USP47: variants seen among roughly 807,000 people sequenced by gnomAD.
USP47 encodes ubiquitin carboxyl-terminal hydrolase 47.
USP47 carries 35 observed loss-of-function variants against 165.1 expected under a neutral mutation model. The observed-to-expected ratio is 0.21, with a 90% confidence interval of 0.16 to 0.28. The LOEUF (loss-of-function observed/expected upper bound fraction) is 0.28. Ranked by LOEUF, USP47 falls within the 10% of genes least tolerant of loss-of-function variation. The pLI, the probability that USP47 is intolerant of heterozygous loss-of-function variation, is 1.00. For synonymous variants in USP47, 531 were observed against 544.5 expected (o/e 0.98, Z 0.35); for missense variants, 1,277 against 1,607.4 (o/e 0.79, Z 3.52).
At position 11,955,120 on chromosome 11, in the gene USP47, C is replaced by T; in HGVS notation, c.3849C>T (p.Val1283=). 6.2e-7 allele frequency: 1 copy of T among 1,613,854 alleles called. No individual in the cohort carries two copies. ...DWNPKVSTLN[V]WPLYICDDGA... ...ATCCTAAAGTTTCTACCCTGAATGT[C>T]TGGCCTCTTTATATCTGTGATGATG... Residue 1283 remains valine (V), a synonymous_variant, in exon 27 of 28, where the codon GTC becomes GTT. Transcript: ENST00000527733.
At chr11:11,885,787 T>G (rs981170774) in intron 3 of USP47, among the ~76,000 whole-genome samples, 17 of 152,212 alleles carry the variant, frequency 1.1e-4, no homozygotes, top group African/African-American at 3.9e-4. Flanking sequence ...ACCCACTGGC[T>G]TGGAATTGGC....
At chr11:11,855,902 G>C (rs1444140857) in intron 1 of USP47, among the ~76,000 whole-genome samples, 1 of 152,182 alleles carries the variant, frequency 6.6e-6, no homozygotes, top group Non-Finnish European at 1.5e-5. Context: ...ACTAATGGAA[G>C]AGACAAACAG....
In USP47 at chr11:11,841,990, AGCGGCG is replaced by A; in HGVS notation, c.-182_-177del. Reference sequence around the variant, plus strand: ...GGCCGACGACGAAGGCGGCTGTGGTAGCGGCGGCGGCGGCGGCGGAGCCCTGGGTCG... The same window carrying A: ...GGCCGACGACGAAGGCGGCTGTGGTAGCGGCGGCGGCGGAGCCCTGGGTCG... On this transcript the variant is annotated 5_prime_UTR_variant, in exon 1 of 28. Transcript: ENST00000527733. 3 of 531,304 alleles carry A rather than the reference AGCGGCG, an allele frequency of 5.6e-6. No individual in the cohort carries two copies. Among genetic ancestry groups the A allele is most frequent in the Non-Finnish European group, 9.7e-6 (3 of 309,238 alleles). The allele number at this position is 531,304 out of a possible 1,614,324, so 32.9% of individuals were successfully genotyped here.
chr11:11,917,316 C>T (rs1287688110), intron 8 of USP47, among the ~76,000 whole-genome samples: 1 of 152,056 alleles, frequency 6.6e-6, no homozygotes, highest in Non-Finnish European at 1.5e-5. Flanking sequence ...TTTGAATATT[C>T]AGGAACTCAT....
intron 1 of USP47, among the ~76,000 whole-genome samples, chr11:11,859,779 A>G (rs971468996): frequency 3.9e-5 from 6 of 152,122 alleles, no homozygotes; most frequent in Non-Finnish European, 7.4e-5. Flanking sequence ...TTCATAGAGC[A>G]TTTTCAAGAA....
At chr11:11,948,596 T>C in intron 22 of USP47, 38 bp downstream of exon 22, 1 of 1,497,576 alleles carries the variant, frequency 6.7e-7, no homozygotes, top group Middle Eastern at 2.1e-4. Flanking sequence ...AGGTTACTTT[T>C]TACAGTTACT....
chr11:11,949,436 C>T (rs565703204), intron 22 of USP47, among the ~76,000 whole-genome samples: 52 of 152,194 alleles, frequency 3.4e-4, no homozygotes, highest in African/African-American at 1.2e-3. Context: ...TGTTATTTCT[C>T]TTAATGTGAC....
intron 8 of USP47, among the ~76,000 whole-genome samples, chr11:11,909,885 C>G (rs897040171): frequency 6.6e-6 from 1 of 152,122 alleles, no homozygotes; most frequent in African/African-American, 2.4e-5. Context: ...CAACTATTTA[C>G]ACAAGTTTAT....
rs1300802562 is a variant in USP47 at position 11,892,380 on chromosome 11, C to CTTTTTTTTTTTTT, written c.496+281_496+293dup. The stretch of plus-strand genomic sequence containing the variant: ...AGACTTTTCTTTTCTTTTTAATTTT[C>CTTTTTTTTTTTTT]TTTTTTTTTTTTTTTTTTTGAGACA... On this transcript the variant is annotated intron_variant, in intron 4 of 27. Coordinates refer to ENST00000527733, the MANE Select transcript of USP47 (RefSeq NM_001282659.2). 5.4e-4 allele frequency among the ~76,000 whole-genome samples: 65 copies of CTTTTTTTTTTTTT among 121,120 alleles called. 3 individuals carry two copies. The highest frequency in any genetic ancestry group is 6.3e-4 in the African/African-American group (20 of 31,558). 79.5% of individuals were successfully genotyped at this position (121,120 alleles called of 152,430 possible).
At chr11:11,948,440 T>C (rs750408663) in intron 21 of USP47, 38 bp from the exon 22 acceptor site, 4 of 1,542,488 alleles carry the variant, frequency 2.6e-6, no homozygotes, top group Non-Finnish European at 3.6e-6. Flanking sequence ...TTTATTCTGC[T>C]GAGACAGCAT....
At chr11:11,868,324 C>A (rs1035839238) in intron 1 of USP47, among the ~76,000 whole-genome samples, 3 of 152,176 alleles carry the variant, frequency 2.0e-5, no homozygotes, top group African/African-American at 4.8e-5. Flanking sequence ...CCCTGGCGAT[C>A]ACTAATCTCT....
intron 3 of USP47, 56 bp downstream of exon 3, chr11:11,884,636 T>C: frequency 8.6e-7 from 1 of 1,157,864 alleles, no homozygotes; most frequent in South Asian, 1.5e-5. Flanking sequence ...CACCTACTAC[T>C]TGAGGATGCA....
At chr11:11,917,069 C>T (rs72857614) in intron 8 of USP47, among the ~76,000 whole-genome samples, 27 of 151,962 alleles carry the variant, frequency 1.8e-4, no homozygotes, top group Admixed American at 1.4e-3. Context: ...AAGAGAATTG[C>T]TTGAGCCAGG....
chr11:11,920,168 C>A lies in USP47; in HGVS notation c.982C>A (p.His328Asn), dbSNP rs753929062. 6.3e-7 allele frequency: 1 copy of A among 1,591,518 alleles called. No homozygotes were observed. The highest frequency in any genetic ancestry group is 1.8e-5 in the Admixed American group (1 of 57,064). The change falls in exon 9 of 28, where the codon CAT (histidine) becomes AAT (asparagine). Residue 328 changes from histidine to asparagine, a missense_variant. His to Asn is a moderately conservative substitution (Grantham distance 68). Coordinates refer to ENST00000527733, the MANE Select transcript of USP47 (RefSeq NM_001282659.2). ...TTTTTCTAACTAGGAAGAAGCATTGCATGCATTTATTCAGCCAGAGATTCT... is the reference window on the plus strand; with the variant it reads ...TTTTTCTAACTAGGAAGAAGCATTGAATGCATTTATTCAGCCAGAGATTCT... ...QAFASVEEAL[H>N]AFIQPEILDG... is the part of the protein sequence containing the mutation.
At chr11:11,929,775 A>T (rs1305639441) in intron 12 of USP47, among the ~76,000 whole-genome samples, 1 of 152,118 alleles carries the variant, frequency 6.6e-6, no homozygotes, top group Non-Finnish European at 1.5e-5. Flanking sequence ...GGGCTTGCTG[A>T]ATATCTCCAG....
intron 10 of USP47, among the ~76,000 whole-genome samples, chr11:11,921,138 T>C (rs890378952): frequency 6.6e-6 from 1 of 151,820 alleles, no homozygotes; most frequent in Non-Finnish European, 1.5e-5. Context: ...CACTCTATTA[T>C]TTTGGAAACT....
chr11:11,950,552 T>C, intron 24 of USP47, 70 bp downstream of exon 24: 1 of 1,049,284 alleles, frequency 9.5e-7, no homozygotes, highest in Non-Finnish European at 1.4e-6. Context: ...CCTATAGTTT[T>C]TAATCAAATA....
At chr11:11,884,788 G>T (rs1851048624) in intron 3 of USP47, 2 of 443,920 alleles carry the variant, frequency 4.5e-6, no homozygotes, top group African/African-American at 2.0e-5. Context: ...TATACAGTCT[G>T]TTGCCGCCTT....
At chr11:11,926,702 G>GT (rs1024881693) in intron 11 of USP47, among the ~76,000 whole-genome samples, 2 of 150,302 alleles carry the variant, frequency 1.3e-5, no homozygotes, top group African/African-American at 4.9e-5. Flanking sequence ...TCTGAATCTA[G>GT]TTTTTTTCTT....
Sources: allele counts gnomAD v4.1 joint callset (sites outside exome capture counted in the v4.1 genomes callset), GRCh38; gene constraint gnomAD v4.1.1; transcripts MANE v1.5; gene names NCBI Gene and HGNC (gene_info 2026-07-23, HGNC 2026-07-21).